Variants in TANC2 observed in about 807,000 individuals in gnomAD.
The protein encoded by TANC2 is tetratricopeptide repeat, ankyrin repeat and coiled-coil containing 2, also known as protein TANC2.
A neutral mutation model predicts 210.5 loss-of-function variants in TANC2; 26 were observed. The ratio of observed to expected loss-of-function variants is 0.12; its 90% CI spans 0.09 to 0.17. The LOEUF is 0.17. TANC2 is among the 10% of genes least tolerant of loss of function. The probability of loss-of-function intolerance (pLI) is 1.00; values close to 1 mark genes in which losing one functional copy is unlikely to be tolerated. For missense variants in TANC2, 2,129 were observed against 2,608.9 expected, an observed-to-expected ratio of 0.82 and a Z score of 4.01; for synonymous variants, 931 against 967.1, an observed-to-expected ratio of 0.96 and a Z score of 0.69.
At chr17:63,218,910 A>T (rs2042094980) in intron 7 of TANC2, among the ~76,000 whole-genome samples, 1 of 152,146 alleles carries the variant, frequency 6.6e-6, no homozygotes, top group African/African-American at 2.4e-5. Context: ...AGAAAAAAAA[A>T]TAGTAAGTTT....
exon 7 of TANC2, chr17:63,200,874 C>A: frequency 6.2e-7 from 1 of 1,613,894 alleles, no homozygotes. Flanking sequence ...CCCATCAGTA[C>A]AAATGCAACT....
exon 8 of TANC2, chr17:63,237,862 G>A (rs746422304): frequency 7.7e-5 from 120 of 1,554,750 alleles, no homozygotes; most frequent in Non-Finnish European, 1.0e-4. Flanking sequence ...AAATATGCTG[G>A]GGAAAGCAGT....
intron 9 of TANC2, among the ~76,000 whole-genome samples, chr17:63,307,793 T>G (rs2044973954): frequency 6.6e-6 from 1 of 151,728 alleles, no homozygotes; most frequent in African/African-American, 2.4e-5. Context: ...TGAGACAGAG[T>G]CTCGCTCTGT....
At chr17:63,142,793 A>C (rs1457133193) in intron 4 of TANC2, among the ~76,000 whole-genome samples, 2 of 152,206 alleles carry the variant, frequency 1.3e-5, no homozygotes, top group Non-Finnish European at 2.9e-5. Flanking sequence ...TTCTGAAACG[A>C]GTTTCTTAAA....
At chr17:63,289,311 T>C (rs2044315669) in intron 9 of TANC2, among the ~76,000 whole-genome samples, 1 of 152,162 alleles carries the variant, frequency 6.6e-6, no homozygotes, top group African/African-American at 2.4e-5. Flanking sequence ...ATTATGCATA[T>C]TTACACCTTT....
At chr17:63,332,154 A>G in intron 11 of TANC2, 1 of 349,914 alleles carries the variant, frequency 2.9e-6, no homozygotes, top group Non-Finnish European at 5.6e-6. Context: ...CTTTAAGATC[A>G]ACTTCAAAAG....
intron 1 of TANC2, among the ~76,000 whole-genome samples, chr17:62,980,936 A>G (rs978174237): frequency 3.3e-5 from 5 of 152,120 alleles, no homozygotes; most frequent in African/African-American, 1.2e-4. Context: ...TTCTGAGTCT[A>G]CTTTCAACCC....
chr17:63,329,232 A>T, intron 11 of TANC2, among the ~76,000 whole-genome samples: 1 of 152,190 alleles, frequency 6.6e-6, no homozygotes, highest in East Asian at 1.9e-4. Context: ...ATTATAGCAT[A>T]TACTACAGAT....
chr17:63,160,090 A>G (rs982572547), intron 5 of TANC2, among the ~76,000 whole-genome samples: 3 of 152,242 alleles, frequency 2.0e-5, no homozygotes, highest in African/African-American at 7.2e-5. Context: ...TTCTCTTCTT[A>G]TAGGGACACT....
intron 1 of TANC2, among the ~76,000 whole-genome samples, chr17:62,971,061 T>A (rs2031664193): frequency 6.6e-6 from 1 of 152,188 alleles, no homozygotes; most frequent in African/African-American, 2.4e-5. Context: ...GTAAATATAC[T>A]ATACAAATAA....
At chr17:63,272,899 T>C (rs1050763967) in intron 9 of TANC2, among the ~76,000 whole-genome samples, 2 of 152,130 alleles carry the variant, frequency 1.3e-5, no homozygotes, top group South Asian at 4.1e-4. Context: ...CATGCATTGA[T>C]TGGGAACTTC....
chr17:63,404,979 T>G, intron 19 of TANC2, 143 bp from the exon 20 acceptor site: 1 of 1,014,456 alleles, frequency 9.9e-7, no homozygotes, highest in Non-Finnish European at 1.3e-6. Flanking sequence ...GAACTTTTCT[T>G]TATGGAAAAG....
chr17:63,376,269 TA>T (rs2047421156), intron 14 of TANC2, among the ~76,000 whole-genome samples: 1 of 128,892 alleles, frequency 7.8e-6, no homozygotes, highest in Non-Finnish European at 1.7e-5. Context: ...CCATCTCTAC[TA>T]AAAAATACAA....
At chr17:63,264,631 T>G (rs2043468527) in intron 8 of TANC2, among the ~76,000 whole-genome samples, 1 of 152,178 alleles carries the variant, frequency 6.6e-6, no homozygotes, top group Non-Finnish European at 1.5e-5. Context: ...GTTAAAAGAT[T>G]TCTCAACTTT....
rs745840520 is a variant in TANC2 at position 63,389,455 on chromosome 17, T to G, written c.2962T>G (p.Ser988Ala). Residue 988 changes from serine (S) to alanine (A), a missense_variant, in exon 17 of 28, where the codon TCT (serine) becomes GCT (alanine). This residue lies in a region of TANC2 where 644 missense variants were observed against 937.5 expected (regional missense o/e 0.69). Coordinates refer to ENST00000689528, the Ensembl canonical transcript of TANC2. The stretch of plus-strand genomic sequence containing the variant: ...GGAGTTCGGGGCCAACGTGGATGCC[T>G]CTTCTGAAAGTGGCCTGACTCCCCT... The G allele has an allele frequency of 1.1e-5, 18 of 1,613,828 alleles. No individual in the cohort carries two copies. Among genetic ancestry groups the G allele is most frequent in the Non-Finnish European group, 1.4e-5 (17 of 1,179,874 alleles).
At chr17:62,982,514 A>G (rs989431235) in intron 1 of TANC2, among the ~76,000 whole-genome samples, 1 of 152,034 alleles carries the variant, frequency 6.6e-6, no homozygotes, top group Non-Finnish European at 1.5e-5. Flanking sequence ...TACCTCAACC[A>G]TTCACTCCCA....
intron 5 of TANC2, among the ~76,000 whole-genome samples, chr17:63,178,838 T>G (rs1228940185): frequency 1.3e-5 from 2 of 152,246 alleles, no homozygotes; most frequent in African/African-American, 4.8e-5. Flanking sequence ...TGTGTGCAGC[T>G]TGCCATGTTA....
intron 7 of TANC2, among the ~76,000 whole-genome samples, chr17:63,212,975 T>G (rs1486371401): frequency 6.6e-6 from 1 of 152,228 alleles, no homozygotes; most frequent in Non-Finnish European, 1.5e-5. Flanking sequence ...CTAACACTTA[T>G]GTTCAAAATA....
chr17:63,198,524 A>T (rs1380495293), intron 6 of TANC2, among the ~76,000 whole-genome samples: 1 of 152,148 alleles, frequency 6.6e-6, no homozygotes, highest in Admixed American at 6.6e-5. Context: ...GAATGACTAT[A>T]GCTATATCTA....
Sources: allele counts gnomAD v4.1 joint callset (sites outside exome capture counted in the v4.1 genomes callset), GRCh38; gene constraint gnomAD v4.1.1; regional missense constraint gnomAD v4.1.1; transcripts MANE v1.5; gene names NCBI Gene and HGNC (gene_info 2026-07-23, HGNC 2026-07-21).